The following SKAP1 variants were observed in gnomAD, a reference collection of about 807,000 sequenced individuals.
SKAP1 encodes the protein src kinase associated phosphoprotein 1, also known as src kinase-associated phosphoprotein 1.
A neutral mutation model predicts 58.5 loss-of-function variants in SKAP1; 44 were observed. The observed-to-expected ratio is 0.75, with a 90% CI of 0.59 to 0.97. The LOEUF (loss-of-function observed/expected upper bound fraction) is 0.97. Among genes scored for constraint, SKAP1 ranks in the 50% least tolerant of loss-of-function variants. The pLI is 0.00. For missense variants in SKAP1, 390 were observed against 435.2 expected (o/e 0.90, Z 0.92); for synonymous variants, 127 against 149.7 (o/e 0.85, Z 1.11).
At chr17:48,297,395 C>G (rs144880039) in intron 4 of SKAP1, among the ~76,000 whole-genome samples, 98 of 152,222 alleles carry the variant, frequency 6.4e-4, no homozygotes, top group African/African-American at 2.3e-3. Flanking sequence ...ACCAGCAGAT[C>G]TTGAAGAACA....
At chr17:48,435,219 T>C (rs2067933606), upstream of SKAP1, among the ~76,000 whole-genome samples, 1 of 152,056 alleles carries the variant, frequency 6.6e-6, no homozygotes, top group Non-Finnish European at 1.5e-5. Context: ...TTCTCTATTG[T>C]TCCCAATCCT....
chr17:48,174,458 T>C (rs567431141), intron 9 of SKAP1, among the ~76,000 whole-genome samples: 5 of 152,234 alleles, frequency 3.3e-5, no homozygotes, highest in African/African-American at 9.6e-5. Flanking sequence ...ACAATACAAA[T>C]AGGCATACAA....
intron 4 of SKAP1, among the ~76,000 whole-genome samples, chr17:48,306,672 T>C (rs1268848218): frequency 6.6e-6 from 1 of 152,230 alleles, no homozygotes; most frequent in Non-Finnish European, 1.5e-5. Context: ...CTTGCATTAA[T>C]AAATGAAGAA....
intron 6 of SKAP1, 181 bp from the exon 7 acceptor site, chr17:48,185,028 TCA>T (rs1051955081): frequency 2.5e-5 from 14 of 569,648 alleles, no homozygotes; most frequent in Non-Finnish European, 3.6e-5. Flanking sequence ...AAGGCAGATA[TCA>T]CTGCCAAGCT....
intron 4 of SKAP1, among the ~76,000 whole-genome samples, chr17:48,223,492 G>A (rs959089795): frequency 1.8e-4 from 27 of 152,016 alleles, no homozygotes; most frequent in Admixed American, 8.5e-4. Context: ...TATATGCTGC[G>A]CAGTATATGA....
chr17:48,422,923 T>TA (rs966381495), intron 1 of SKAP1, among the ~76,000 whole-genome samples: 4 of 152,016 alleles, frequency 2.6e-5, no homozygotes, highest in Non-Finnish European at 4.4e-5. Context: ...GATGAGACAG[T>TA]AAAAAAGATG....
intron 4 of SKAP1, among the ~76,000 whole-genome samples, chr17:48,335,221 C>T (rs1010796088): frequency 2.0e-5 from 3 of 151,884 alleles, no homozygotes; most frequent in Non-Finnish European, 4.4e-5. Flanking sequence ...ATATTTTCAT[C>T]AGAATGTGAT....
intron 1 of SKAP1, among the ~76,000 whole-genome samples, chr17:48,408,540 C>A (rs1289224495): frequency 2.0e-5 from 3 of 151,808 alleles, no homozygotes; most frequent in Non-Finnish European, 4.4e-5. Context: ...AGACAAAAGT[C>A]CTATATAAAA....
At chr17:48,238,585 A>T (rs1429363056) in intron 4 of SKAP1, among the ~76,000 whole-genome samples, 1 of 150,952 alleles carries the variant, frequency 6.6e-6, no homozygotes, top group Non-Finnish European at 1.5e-5. Flanking sequence ...GTTGCACAGG[A>T]TGGTCTCGAA....
At chr17:48,154,406 C>T (rs2063944575) in intron 11 of SKAP1, among the ~76,000 whole-genome samples, 1 of 152,174 alleles carries the variant, frequency 6.6e-6, no homozygotes, top group South Asian at 2.1e-4. Context: ...TGACCCAGAC[C>T]CTGGTGTGTC....
At chr17:48,287,032 G>A (rs2065839048) in intron 4 of SKAP1, among the ~76,000 whole-genome samples, 2 of 151,938 alleles carry the variant, frequency 1.3e-5, no homozygotes, top group South Asian at 4.1e-4. Context: ...GGAGGTGGAG[G>A]TTGCAGTGAG....
intron 4 of SKAP1, among the ~76,000 whole-genome samples, chr17:48,292,785 T>C (rs9904487): frequency 0.17 from 26,299 of 152,136 alleles, 2,324 homozygotes; most frequent in Non-Finnish European, 0.19. Flanking sequence ...TCTTATGCTG[T>C]TGAATTTATC....
intron 11 of SKAP1, among the ~76,000 whole-genome samples, chr17:48,161,448 C>T (rs1051627599): frequency 6.6e-6 from 1 of 152,174 alleles, no homozygotes; most frequent in Non-Finnish European, 1.5e-5. Flanking sequence ...TTTTAGCCCA[C>T]CTATAGAATA....
chr17:48,139,240 G>A (rs888686389), intron 11 of SKAP1, among the ~76,000 whole-genome samples: 6 of 150,578 alleles, frequency 4.0e-5, no homozygotes, highest in Non-Finnish European at 7.4e-5. Context: ...GGAGTGCAGT[G>A]GTGAGATCTC....
intron 4 of SKAP1, among the ~76,000 whole-genome samples, chr17:48,298,429 C>T (rs1385955035): frequency 2.0e-5 from 3 of 152,286 alleles, no homozygotes; most frequent in East Asian, 3.9e-4. Flanking sequence ...ATTGAATTCA[C>T]TTTCAGGAAT....
intron 2 of SKAP1, among the ~76,000 whole-genome samples, chr17:48,364,302 GGAGTA>G (rs1292252330): frequency 6.6e-6 from 1 of 152,090 alleles, no homozygotes; most frequent in African/African-American, 2.4e-5. Context: ...TACCCAGGCT[GGAGTA>G]CAGTGACACA....
chr17:48,436,803 T>C, the SKAP1 span, among the ~76,000 whole-genome samples: 5 of 152,284 alleles, frequency 3.3e-5, no homozygotes, highest in African/African-American at 1.2e-4. Flanking sequence ...ACCAAAGGGA[T>C]ATCTCTCCCA....
intron 4 of SKAP1, among the ~76,000 whole-genome samples, chr17:48,229,723 G>T (rs749709516): frequency 6.6e-5 from 10 of 151,938 alleles, no homozygotes; most frequent in Non-Finnish European, 1.2e-4. Context: ...CCTTAATCTT[G>T]AGTTTATATA....
chr17:48,220,852 C>CAAAAAA (rs56006389), intron 4 of SKAP1, among the ~76,000 whole-genome samples: 50 of 83,608 alleles, frequency 6.0e-4, no homozygotes, highest in Non-Finnish European at 8.4e-4. Flanking sequence ...GACTCCATCT[C>CAAAAAA]AAAAAAAAAA....
Sources: allele counts gnomAD v4.1 joint callset (sites outside exome capture counted in the v4.1 genomes callset), GRCh38; gene constraint gnomAD v4.1.1; transcripts MANE v1.5; gene names NCBI Gene and HGNC (gene_info 2026-07-23, HGNC 2026-07-21).